The following KIT variants were observed in gnomAD, a reference collection of about 807,000 sequenced individuals.
The protein encoded by KIT is mast/stem cell growth factor receptor Kit.
A neutral mutation model predicts 105.7 loss-of-function variants in KIT; 16 were observed. The observed-to-expected ratio is 0.15, with a 90% CI of 0.10 to 0.23. The LOEUF (loss-of-function observed/expected upper bound fraction) is 0.23. Among genes scored for constraint, KIT ranks in the 10% least tolerant of loss-of-function variants. The probability of loss-of-function intolerance (pLI) is 1.00; values close to 1 mark genes in which losing one functional copy is unlikely to be tolerated. For missense variants in KIT, 858 were observed against 1,213.8 expected, an observed-to-expected ratio of 0.71 and a Z score of 4.36; for synonymous variants, 438 against 441.1, an observed-to-expected ratio of 0.99 and a Z score of 0.09.
chr4:54,713,753 G>A (rs1484793021), intron 7 of KIT, among the ~76,000 whole-genome samples: 6 of 152,154 alleles, frequency 3.9e-5, no homozygotes, highest in African/African-American at 9.7e-5. Context: ...TGGGGAAGGG[G>A]CATGTTTTAA....
At chr4:54,719,916 C>T (rs550652250) in intron 7 of KIT, among the ~76,000 whole-genome samples, 68 of 152,216 alleles carry the variant, frequency 4.5e-4, no homozygotes, top group African/African-American at 1.5e-3. Flanking sequence ...TAGTGTGTCT[C>T]ATCCTTTTCA....
intron 5 of KIT, 115 bp downstream of exon 5, chr4:54,704,007 C>G (rs1431353838): frequency 1.1e-6 from 1 of 939,718 alleles, no homozygotes; most frequent in Admixed American, 1.8e-5. Flanking sequence ...ATTTTGTTAT[C>G]ACTGAATGAA....
In KIT at chr4:54,739,798, G is replaced by A. The variant is rs114377961; in HGVS notation, c.*1241G>A. 1,455 of 233,510 alleles carry A rather than the reference G, an allele frequency of 6.2e-3. 23 individuals carry two copies. Among genetic ancestry groups the A allele is most frequent in the African/African-American group, 0.03 (1,369 of 45,444 alleles). 14.5% of individuals were successfully genotyped at this position (233,510 alleles called of 1,614,324 possible). A position where few individuals can be genotyped will look rare whatever the true frequency, so the allele number is the denominator to read the frequency against. ...TGCTCTTGTTTCTTTTCACATAGCT[G>A]TCTAGAGTAGCTTACCAGAAGCTTC... On this transcript the variant is annotated 3_prime_UTR_variant, in exon 21 of 21. Coordinates refer to ENST00000288135, the MANE Select transcript of KIT (RefSeq NM_000222.3).
intron 1 of KIT, among the ~76,000 whole-genome samples, chr4:54,692,873 T>G (rs1354445688): frequency 1.3e-5 from 2 of 152,308 alleles, no homozygotes; most frequent in African/African-American, 4.8e-5. Flanking sequence ...TGTACTTTGC[T>G]TGACATAATG....
chr4:54,691,575 G>A (rs536797751), intron 1 of KIT, among the ~76,000 whole-genome samples: 7 of 152,074 alleles, frequency 4.6e-5, no homozygotes, highest in East Asian at 1.9e-4. Flanking sequence ...GGTTGGGTCC[G>A]GGGAAAACAG....
chr4:54,726,506 A>T (rs897452479), intron 9 of KIT, among the ~76,000 whole-genome samples: 4 of 152,240 alleles, frequency 2.6e-5, no homozygotes, highest in Admixed American at 6.5e-5. Flanking sequence ...TTTCTTTAAA[A>T]TATTTAAAAT....
At position 54,698,533 on chromosome 4, in the gene KIT, T is replaced by G; in HGVS notation, c.587T>G (p.Leu196Arg). ...CSVDQEGKSV[L>R]SEKFILKVRP... is the part of the protein sequence containing the mutation. ...GTGGACCAGGAGGGCAAGTCAGTGC[T>G]GTCGGAAAAATTCATCCTGAAAGTG... The change falls in exon 3 of 21, where the codon CTG (leucine) becomes CGG (arginine). Residue 196 changes from leucine to arginine, a missense_variant. By Grantham distance (102) the Leu-to-Arg change is moderately radical (BLOSUM62 -2). Coordinates refer to ENST00000288135, the MANE Select transcript of KIT (RefSeq NM_000222.3). 1 of 1,614,198 alleles carries G rather than the reference T, an allele frequency of 6.2e-7. No homozygotes were observed.
At chr4:54,696,355 T>C (rs1350658932) in intron 2 of KIT, among the ~76,000 whole-genome samples, 1 of 152,198 alleles carries the variant, frequency 6.6e-6, no homozygotes, top group African/African-American at 2.4e-5. Flanking sequence ...TTATTTCCTA[T>C]GACAAGTTCA....
At chr4:54,699,548 A>G (rs1720312069) in intron 3 of KIT, 82 bp from the exon 4 acceptor site, 1 of 1,466,596 alleles carries the variant, frequency 6.8e-7, no homozygotes, top group Non-Finnish European at 9.5e-7. Context: ...AGTAAGCTGT[A>G]CACATTTGAG....
intron 1 of KIT, among the ~76,000 whole-genome samples, chr4:54,661,307 C>G (rs1318574619): frequency 6.6e-6 from 1 of 152,130 alleles, no homozygotes; most frequent in African/African-American, 2.4e-5. Flanking sequence ...AGAAATGTGC[C>G]AAGTATTCTG....
At chr4:54,695,082 G>A (rs1030466928) in intron 1 of KIT, among the ~76,000 whole-genome samples, 2 of 152,166 alleles carry the variant, frequency 1.3e-5, no homozygotes, top group African/African-American at 4.8e-5. Flanking sequence ...CTATGTCATG[G>A]TCATGTATAT....
intron 7 of KIT, among the ~76,000 whole-genome samples, chr4:54,709,813 A>G (rs963501204): frequency 6.6e-6 from 1 of 152,168 alleles, no homozygotes; most frequent in East Asian, 1.9e-4. Flanking sequence ...TTGAACATAC[A>G]GTTGTTTGAG....
chr4:54,669,150 A>T (rs7684000), intron 1 of KIT, among the ~76,000 whole-genome samples: 63,287 of 151,986 alleles, frequency 0.42, 13,570 homozygotes, highest in African/African-American at 0.48. Flanking sequence ...GTATATGTGC[A>T]GCTGGGAAAT....
chr4:54,666,276 T>G (rs979395057), intron 1 of KIT, among the ~76,000 whole-genome samples: 1 of 151,858 alleles, frequency 6.6e-6, no homozygotes, highest in African/African-American at 2.4e-5. Flanking sequence ...TTGTTTTTTG[T>G]TTTTTTTGTT....
In KIT at chr4:54,736,566, C is replaced by T. The variant is rs751396522; in HGVS notation, c.2553C>T (p.Asp851=). 5.1e-5 allele frequency: 82 copies of T among 1,614,058 alleles called. No homozygotes were observed. The highest frequency in any genetic ancestry group is 1.0e-4 in the Admixed American group (6 of 60,014). The stretch of plus-strand genomic sequence containing the variant: ...ACTGTGTATACACGTTTGAAAGTGA[C>T]GTCTGGTCCTATGGGATTTTTCTTT... ...IFNCVYTFES[D]VWSYGIFLWE... Residue 851 remains aspartate, a synonymous_variant, in exon 18 of 21, where the codon GAC becomes GAT. Coordinates refer to ENST00000288135, the MANE Select transcript of KIT (RefSeq NM_000222.3).
At position 54,729,530 on chromosome 4, in the gene KIT, A is replaced by T. The variant is rs750830110; in HGVS notation, c.2141+45A>T. On this transcript the variant is annotated intron_variant, in intron 14 of 20. Coordinates refer to ENST00000288135, the MANE Select transcript of KIT (RefSeq NM_000222.3). ...ATAGTTAGCTGTTGACAGGCAGTTCATGGGGTCATAAGGGTTTGCAATCAA... is the reference window on the plus strand; with the variant it reads ...ATAGTTAGCTGTTGACAGGCAGTTCTTGGGGTCATAAGGGTTTGCAATCAA... The T allele has an allele frequency of 1.9e-6, 3 of 1,595,904 alleles. No individual in the cohort carries two copies. In the African/African-American group the frequency reaches 4.0e-5, roughly 21 times the overall value.
chr4:54,700,327 T>C (rs1720375195), intron 4 of KIT, among the ~76,000 whole-genome samples: 1 of 152,230 alleles, frequency 6.6e-6, no homozygotes. Flanking sequence ...TTTGTTTTAG[T>C]CACTATTAAT....
At chr4:54,737,145 G>A in intron 19 of KIT, 30 bp from the exon 20 acceptor site, 2 of 1,406,630 alleles carry the variant, frequency 1.4e-6, no homozygotes, top group Non-Finnish European at 2.0e-6. Flanking sequence ...GGGCATTGAG[G>A]AGGGATAGTA....
chr4:54,665,474 T>C (rs1267333559), intron 1 of KIT, among the ~76,000 whole-genome samples: 1 of 152,154 alleles, frequency 6.6e-6, no homozygotes. Context: ...ACCTGGGTAT[T>C]AGGGTACATG....
Sources: gnomAD v4.1 joint callset for allele counts (sites outside exome capture counted in the v4.1 genomes callset) on GRCh38, gnomAD v4.1.1 for gene constraint, MANE v1.5 for transcripts, NCBI Gene and HGNC (gene_info 2026-07-23, HGNC 2026-07-21) for gene names.